EDNRB: variants seen among roughly 807,000 people sequenced by gnomAD.
The protein encoded by EDNRB is Hirschsprung disease 2.
A neutral mutation model predicts 46.4 loss-of-function variants in EDNRB; 18 were observed. The observed-to-expected ratio is 0.39, with a 90% CI of 0.27 to 0.57. The LOEUF is 0.57. Ranked by LOEUF, EDNRB falls within the 20% of genes least tolerant of loss-of-function variation. The pLI, the probability that EDNRB is intolerant of heterozygous loss-of-function variation, is 0.61. For synonymous variants in EDNRB, 213 were observed against 204.9 expected, an observed-to-expected ratio of 1.04 and a Z score of -0.34; for missense variants, 434 against 537.5, an observed-to-expected ratio of 0.81 and a Z score of 1.90.
At chr13:77,937,367 A>C (rs532650393) in intron 1 of EDNRB, among the ~76,000 whole-genome samples, 5 of 152,314 alleles carry the variant, frequency 3.3e-5, no homozygotes, top group Admixed American at 1.3e-4. Context: ...GCCAGCGGTT[A>C]TCAGCGTGAG....
At chr13:77,963,683 G>A (rs1247605907) in intron 1 of EDNRB, among the ~76,000 whole-genome samples, 2 of 152,132 alleles carry the variant, frequency 1.3e-5, no homozygotes, top group Admixed American at 1.3e-4. Flanking sequence ...GAAATCCTAG[G>A]CAATACCATT....
At chr13:77,951,080 A>G (rs1265047645) in intron 1 of EDNRB, among the ~76,000 whole-genome samples, 1 of 152,192 alleles carries the variant, frequency 6.6e-6, no homozygotes, top group Non-Finnish European at 1.5e-5. Flanking sequence ...GAGCTGAGCC[A>G]TGAATCTTAG....
intron 1 of EDNRB, among the ~76,000 whole-genome samples, chr13:77,943,652 A>T (rs975326230): frequency 2.6e-5 from 4 of 152,058 alleles, no homozygotes; most frequent in African/African-American, 9.7e-5. Context: ...AGCCTTTAGC[A>T]TTCTTGACTT....
chr13:77,938,172 A>G (rs1880623938), intron 1 of EDNRB, among the ~76,000 whole-genome samples: 1 of 152,094 alleles, frequency 6.6e-6, no homozygotes, highest in African/African-American at 2.4e-5. Context: ...AAGGTTGCCC[A>G]TAGTGAAGGA....
intron 1 of EDNRB, among the ~76,000 whole-genome samples, chr13:77,912,197 C>G (rs2137629569): frequency 6.6e-6 from 1 of 152,132 alleles, no homozygotes; most frequent in African/African-American, 2.4e-5. Context: ...AAATGTAAAC[C>G]TTTTGATAGA....
chr13:77,972,472 C>T (rs1414883333), intron 1 of EDNRB, among the ~76,000 whole-genome samples: 1 of 152,166 alleles, frequency 6.6e-6, no homozygotes, highest in Non-Finnish European at 1.5e-5. Flanking sequence ...CATCCTTGCT[C>T]TTTAGTGGTC....
chr13:77,923,676 T>C (rs1260328414), upstream of EDNRB, among the ~76,000 whole-genome samples: 1 of 152,014 alleles, frequency 6.6e-6, no homozygotes, highest in Non-Finnish European at 1.5e-5. Flanking sequence ...GATACCTGAA[T>C]GAAGTGTCCA....
chr13:77,971,836 G>A (rs78100558), intron 1 of EDNRB, among the ~76,000 whole-genome samples: 37,554 of 151,778 alleles, frequency 0.25, 5,753 homozygotes, highest in East Asian at 0.54. Flanking sequence ...TCTCCTTCTT[G>A]TTGATGAAAT....
In EDNRB at chr13:77,908,041, A is replaced by AGAG. The variant is rs1424023339; in HGVS notation, c.484-4435_484-4434insCTC. Among the ~76,000 whole-genome samples, 26 of 15,874 alleles carry AGAG rather than the reference A, an allele frequency of 1.6e-3. No individual in the cohort carries two copies. The East Asian group carries it at 0.022, about 14-fold the overall frequency. 10.4% of individuals were successfully genotyped at this position (15,874 alleles called of 152,430 possible). On this transcript the variant is annotated intron_variant, in intron 1 of 6. Transcript: ENST00000646607. ...GACTGCAAAAAAAAAAAAAAAAAAAAAAAGAGAGAGAGAGCATTAACCTTT... is the reference window on the plus strand; with the variant it reads ...GACTGCAAAAAAAAAAAAAAAAAAAAGAGAAAGAGAGAGAGAGCATTAACCTTT...
rs1175667180 is a variant in EDNRB at position 77,897,483 on chromosome 13, A to C, written c.*717T>G. 1.0e-6 allele frequency: 1 copy of C among 979,084 alleles called. No individual in the cohort carries two copies. The highest frequency in any genetic ancestry group is 1.2e-6 in the Non-Finnish European group (1 of 824,358). The allele number at this position is 979,084 out of a possible 1,614,324, so 60.6% of individuals were successfully genotyped here. ...TAATAATTTTCTTTTTAAAAGTATT[A>C]TATTTTAAATTCAGCTGGCACATGT... On this transcript the variant is annotated 3_prime_UTR_variant, in exon 7 of 7. Coordinates refer to ENST00000646607, the MANE Select transcript of EDNRB (RefSeq NM_001122659.3).
upstream of EDNRB, chr13:77,919,752 G>T (rs1880016712): frequency 1.4e-5 from 11 of 774,342 alleles, no homozygotes; most frequent in Non-Finnish European, 2.2e-5. Context: ...CCGGGGACAG[G>T]TCCCAAAAGG....
intron 1 of EDNRB, among the ~76,000 whole-genome samples, chr13:77,905,161 A>G (rs985474116): frequency 6.6e-6 from 1 of 151,942 alleles, no homozygotes; most frequent in African/African-American, 2.4e-5. Context: ...CAGGTCTCAG[A>G]AAGTCATTGG....
intron 1 of EDNRB, among the ~76,000 whole-genome samples, chr13:77,946,618 T>C (rs1162058738): frequency 2.0e-5 from 3 of 152,110 alleles, no homozygotes; most frequent in Non-Finnish European, 4.4e-5. Flanking sequence ...GGTGGCTCCA[T>C]GTGACAGGCT....
rs1318315042 is a variant in EDNRB, at chr13:77,908,020, G to A, written c.484-4413C>T. Among the ~76,000 whole-genome samples, 18 of 13,730 alleles carry A rather than the reference G, an allele frequency of 1.3e-3. No homozygotes were observed. The Admixed American group carries it at 0.016, about 12-fold the overall frequency. The allele number at this position is 13,730 out of a possible 152,430, so 9.0% of individuals were successfully genotyped here. A position where few individuals can be genotyped will look rare whatever the true frequency, so the allele number is the denominator to read the frequency against. Reference sequence around the variant, plus strand: ...CTACACTTTTGAAGGGAAAGAGACTGCAAAAAAAAAAAAAAAAAAAAAAAG... The same window carrying A: ...CTACACTTTTGAAGGGAAAGAGACTACAAAAAAAAAAAAAAAAAAAAAAAG... On this transcript the variant is annotated intron_variant, in intron 1 of 6. Transcript: ENST00000646607.
Position 77,896,634 on chromosome 13 carries a change from C to T in EDNRB, c.*1566G>A, listed in dbSNP as rs202068793. 2.4e-5 allele frequency: 36 copies of T among 1,522,650 alleles called. No homozygotes were observed. The highest frequency in any genetic ancestry group is 2.1e-4 in the Middle Eastern group (1 of 4,846). 94.3% of individuals were successfully genotyped at this position (1,522,650 alleles called of 1,614,324 possible). A position where few individuals can be genotyped will look rare whatever the true frequency, so the allele number is the denominator to read the frequency against. On this transcript the variant is annotated 3_prime_UTR_variant, in exon 7 of 7. Coordinates refer to ENST00000646607, the MANE Select transcript of EDNRB (RefSeq NM_001122659.3). ...TAAAGCTCTTGGGCCCAATTTATTT[C>T]GAAAGTCACTCTGAGAACATTGCAC...
chr13:77,955,845 GTATCTATCTATC>G (rs61434836), intron 1 of EDNRB, among the ~76,000 whole-genome samples: 2,328 of 145,724 alleles, frequency 0.016, 36 homozygotes, highest in East Asian at 0.079. Flanking sequence ...ATGTGTGTGT[GTATCTATCTATC>G]TATCTATCTA....
chr13:77,962,185 G>A (rs181251128), intron 1 of EDNRB, among the ~76,000 whole-genome samples: 89 of 152,170 alleles, frequency 5.8e-4, no homozygotes, highest in Non-Finnish European at 9.6e-4. Context: ...ATTCACAGCC[G>A]AATTCTACCA....
chr13:77,948,652 GTTTAGAATAGCTA>G (rs1281955021), intron 1 of EDNRB, among the ~76,000 whole-genome samples: 1 of 152,068 alleles, frequency 6.6e-6, no homozygotes, highest in Non-Finnish European at 1.5e-5. Context: ...TGAGATGAAG[GTTTAGAATAGCTA>G]TTGTACTCAC....
In EDNRB at chr13:77,914,364, G is replaced by A. The variant is rs564767137; in HGVS notation, c.483+3727C>T. 2.0e-5 allele frequency among the ~76,000 whole-genome samples: 3 copies of A among 152,188 alleles called. No individual in the cohort carries two copies. In the East Asian group the frequency reaches 5.8e-4, roughly 29 times the overall value. ...CTATATGCCATGCCCTGTGCCAAAT[G>A]ATAGTCATCTTTTTACTTATATATT... On this transcript the variant is annotated intron_variant, in intron 1 of 6. Transcript: ENST00000646607.
Sources: gnomAD v4.1 joint callset for allele counts (sites outside exome capture counted in the v4.1 genomes callset) on GRCh38, gnomAD v4.1.1 for gene constraint, MANE v1.5 for transcripts, NCBI Gene and HGNC (gene_info 2026-07-23, HGNC 2026-07-21) for gene names.